The following KCNV2 variants were observed in gnomAD, a reference collection of about 807,000 sequenced individuals.
The protein encoded by KCNV2 is potassium voltage-gated channel subfamily V member 2.
KCNV2 carries 65 observed loss-of-function variants against 37.0 expected under a neutral mutation model. The ratio of observed to expected loss-of-function variants is 1.76; its 90% CI spans 1.44 to 2.16. The LOEUF (loss-of-function observed/expected upper bound fraction) is 2.16, where lower values mean the gene tolerates loss of function less well. Among genes scored for constraint, KCNV2 ranks in the 30% most tolerant of loss-of-function variants. KCNV2 has a pLI of 0.00. For synonymous variants in KCNV2, 518 were observed against 328.6 expected (o/e 1.58, Z -6.23); for missense variants, 1,232 against 766.7 (o/e 1.61, Z -7.17).
chr9:2,719,652 T>G (rs1159838603), intron 1 of KCNV2, among the ~76,000 whole-genome samples: 1 of 152,224 alleles, frequency 6.6e-6, no homozygotes, highest in African/African-American at 2.4e-5. Flanking sequence ...TTGCTCTGAC[T>G]TCACTAAAGT....
In KCNV2 at chr9:2,718,553, G is replaced by C; in HGVS notation, c.814G>C (p.Val272Leu). The change falls in exon 1 of 2, where the codon GTC becomes CTC. Residue 272 changes from valine to leucine, a missense_variant. Coordinates refer to ENST00000382082, the MANE Select transcript of KCNV2 (RefSeq NM_133497.4). ...IGVASSTFVL[V>L]SVVALALNTV... ...GGTGGCCTCCAGCACCTTCGTGCTC[G>C]TCTCCGTGGTGGCGCTGGCGCTCAA... 1 of 1,612,254 alleles carries C rather than the reference G, an allele frequency of 6.2e-7. No homozygotes were observed. The highest frequency in any genetic ancestry group is 1.7e-4 in the Middle Eastern group (1 of 6,046).
intron 1 of KCNV2, among the ~76,000 whole-genome samples, chr9:2,721,059 G>A (rs527626041): frequency 5.9e-5 from 9 of 152,060 alleles, no homozygotes. Flanking sequence ...TACAAAAATT[G>A]AATCACCAGT....
At chr9:2,727,922 C>G (rs1450734865) in intron 1 of KCNV2, among the ~76,000 whole-genome samples, 1 of 152,288 alleles carries the variant, frequency 6.6e-6, no homozygotes, top group East Asian at 1.9e-4. Context: ...CTTATCTACA[C>G]CACATTACCT....
intron 1 of KCNV2, among the ~76,000 whole-genome samples, chr9:2,725,251 A>C (rs1563799120): frequency 6.6e-6 from 1 of 152,366 alleles, no homozygotes. Flanking sequence ...CAAACATGTC[A>C]GAACTGTAAT....
At chr9:2,722,216 AGAAGTTATTTATTTATAAATAAAT>A (rs1351190201) in intron 1 of KCNV2, among the ~76,000 whole-genome samples, 7 of 144,760 alleles carry the variant, frequency 4.8e-5, no homozygotes, top group Non-Finnish European at 7.6e-5. Flanking sequence ...TAAATAAATT[AGAAGTTATTTATTTATAAATAAAT>A]TAGAAGTTAT....
At chr9:2,728,889 A>AAAAAAAAG (rs1177957510) in intron 1 of KCNV2, among the ~76,000 whole-genome samples, 1 of 150,530 alleles carries the variant, frequency 6.6e-6, no homozygotes, top group Non-Finnish European at 1.5e-5. Context: ...AATAAAAAAA[A>AAAAAAAAG]AAAAAAAGAA....
In KCNV2 at chr9:2,718,369, G is replaced by T. The variant is rs1470553971; in HGVS notation, c.630G>T (p.Leu210=). 6.3e-7 allele frequency: 1 copy of T among 1,599,508 alleles called. No individual in the cohort carries two copies. The highest frequency in any genetic ancestry group is 8.5e-7 in the Non-Finnish European group (1 of 1,174,708). The change falls in exon 1 of 2, where the codon CTG becomes CTT. Residue 210 remains leucine, a synonymous_variant. Transcript: ENST00000382082. ...GCTTCGAGGAGCGGCGCGACGAGCT[G>T]AGCGAACGGCTCAAGATCCAGCACG... ...RICFEERRDE[L]SERLKIQHEL... is the part of the protein sequence containing the mutation.
At position 2,722,296 on chromosome 9, in the gene KCNV2, T is replaced by TATAA. The variant is rs199999074; in HGVS notation, c.1356+3204_1356+3207dup. 5.5e-3 allele frequency among the ~76,000 whole-genome samples: 666 copies of TATAA among 122,042 alleles called. 34 individuals are homozygous for TATAA. Among genetic ancestry groups the TATAA allele is most frequent in the Non-Finnish European group, 8.3e-3 (514 of 61,608 alleles). The allele number at this position is 122,042 out of a possible 152,430, so 80.1% of individuals were successfully genotyped here. ...ATTTATTTACAAATTAGAAGTTATT[T>TATAA]ATAAATTAGAAGTTATTTATAAATA... is the stretch of plus-strand genomic sequence containing the variant. On this transcript the variant is annotated intron_variant, in intron 1 of 1. Coordinates refer to ENST00000382082, the MANE Select transcript of KCNV2 (RefSeq NM_133497.4).
Position 2,718,588 on chromosome 9 carries a change from G to T in KCNV2, c.849G>T (p.Glu283Asp), listed in dbSNP as rs17656693. 2 of 1,612,976 alleles carry T rather than the reference G, an allele frequency of 1.2e-6. No individual in the cohort carries two copies. The highest frequency in any genetic ancestry group is 1.3e-5 in the African/African-American group (1 of 75,066). ...SVVALALNTV[E>D]EMQQHSGQGE... is the part of the protein sequence containing the mutation. ...TGGCGCTGGCGCTCAACACCGTGGAGGAGATGCAGCAGCACTCGGGGCAGG... is the reference window on the plus strand; with the variant it reads ...TGGCGCTGGCGCTCAACACCGTGGATGAGATGCAGCAGCACTCGGGGCAGG... The change falls in exon 1 of 2, where the codon GAG (glutamate) becomes GAT (aspartate). Residue 283 changes from glutamate to aspartate, a missense_variant. Glu to Asp is a conservative substitution (Grantham distance 45). Transcript: ENST00000382082.
At chr9:2,727,030 G>A (rs112035017) in intron 1 of KCNV2, among the ~76,000 whole-genome samples, 19 of 152,182 alleles carry the variant, frequency 1.2e-4, no homozygotes, top group Admixed American at 9.8e-4. Flanking sequence ...AGAGGTTGGG[G>A]ACCGCTGTTC....
Position 2,718,880 on chromosome 9 carries a change from C to T in KCNV2, c.1141C>T (p.Leu381Phe), listed in dbSNP as rs148096197. The change falls in exon 1 of 2, where the codon CTC (leucine) becomes TTC (phenylalanine). Residue 381 changes from leucine to phenylalanine, a missense_variant. Physicochemically the swap from Leu to Phe is conservative, Grantham distance 22 (BLOSUM62 0). Transcript: ENST00000382082. ...KVGQVLRVMR[L>F]MRIFRILKLA... ...GGGTCAGGTGTTGCGCGTCATGCGC[C>T]TCATGCGCATCTTCCGCATCCTCAA... 4 of 1,608,918 alleles carry T rather than the reference C, an allele frequency of 2.5e-6. No homozygotes were observed. Among genetic ancestry groups the T allele is most frequent in the Admixed American group, 3.3e-5 (2 of 60,014 alleles).
intron 1 of KCNV2, among the ~76,000 whole-genome samples, chr9:2,721,478 T>C (rs758790140): frequency 1.3e-5 from 2 of 152,176 alleles, no homozygotes; most frequent in Admixed American, 1.3e-4. Context: ...ACACATTGAA[T>C]TGATGTGGAC....
chr9:2,718,237 G>T lies in KCNV2; in HGVS notation c.498G>T (p.Leu166=). The change falls in exon 1 of 2, where the codon CTG becomes CTT. Residue 166 remains leucine (L), a synonymous_variant. Transcript: ENST00000382082. The part of the protein sequence containing the change: ...AVFQLVYNFY[L]SGVLLVLDGL... ...TCCAGCTGGTCTACAATTTCTACCT[G>T]TCCGGGGTGCTGCTGGTGCTCGACG... The T allele has an allele frequency of 6.2e-7, 1 of 1,613,374 alleles. No homozygotes were observed. The highest frequency in any genetic ancestry group is 8.5e-7 in the Non-Finnish European group (1 of 1,179,930).
intron 1 of KCNV2, among the ~76,000 whole-genome samples, chr9:2,721,982 A>G (rs960878113): frequency 1.3e-5 from 2 of 151,106 alleles, no homozygotes; most frequent in Non-Finnish European, 3.0e-5. Flanking sequence ...TATTTTTAAA[A>G]ATTTGGGGCA....
At position 2,718,825 on chromosome 9, in the gene KCNV2, C is replaced by T. The variant is rs199886720; in HGVS notation, c.1086C>T (p.Arg362=). 5.6e-6 allele frequency: 9 copies of T among 1,609,934 alleles called. No homozygotes were observed. Among genetic ancestry groups the T allele is most frequent in the Admixed American group, 1.7e-5 (1 of 60,028 alleles). The change falls in exon 1 of 2, where the codon CGC becomes CGT. Residue 362 remains arginine (R), a synonymous_variant. Coordinates refer to ENST00000382082, the MANE Select transcript of KCNV2 (RefSeq NM_133497.4). The part of the protein sequence containing the change: ...LECFTGEGHQ[R]GQTVGSVGKV... ...GCTTCACGGGCGAGGGCCACCAACG[C>T]GGCCAGACGGTGGGCAGCGTGGGTA...
intron 1 of KCNV2, among the ~76,000 whole-genome samples, chr9:2,720,059 A>G (rs1256039696): frequency 1.3e-5 from 2 of 152,266 alleles, no homozygotes; most frequent in African/African-American, 4.8e-5. Context: ...TGGTTTCCTT[A>G]GTTTTCTTTT....
Position 2,729,494 on chromosome 9 carries a change from C to G in KCNV2, c.1405C>G (p.Leu469Val). ...GYGDMYPETH[L>V]GRFFAFLCIA... Reference sequence around the variant, plus strand: ...CGGAGACATGTACCCAGAGACCCACCTGGGCAGGTTTTTTGCCTTCCTCTG... The same window carrying G: ...CGGAGACATGTACCCAGAGACCCACGTGGGCAGGTTTTTTGCCTTCCTCTG... The change falls in exon 2 of 2, where the codon CTG becomes GTG. Residue 469 changes from leucine (L) to valine (V), a missense_variant. Physicochemically the swap from Leu to Val is conservative, Grantham distance 32. Coordinates refer to ENST00000382082, the MANE Select transcript of KCNV2 (RefSeq NM_133497.4). The G allele has an allele frequency of 2.5e-6, 4 of 1,614,110 alleles. No individual in the cohort carries two copies. The highest frequency in any genetic ancestry group is 2.5e-6 in the Non-Finnish European group (3 of 1,180,000).
chr9:2,723,490 G>A (rs1016205319), intron 1 of KCNV2, among the ~76,000 whole-genome samples: 1 of 152,170 alleles, frequency 6.6e-6, no homozygotes, highest in Admixed American at 6.5e-5. Context: ...GGACACTTAT[G>A]TCTACAAATG....
chr9:2,729,003 C>T (rs1025864890), intron 1 of KCNV2, among the ~76,000 whole-genome samples: 2 of 152,066 alleles, frequency 1.3e-5, no homozygotes, highest in Admixed American at 1.3e-4. Flanking sequence ...GTTCTAAGCC[C>T]AAGATTTTTC....
Sources: allele counts gnomAD v4.1 joint callset (sites outside exome capture counted in the v4.1 genomes callset), GRCh38; gene constraint gnomAD v4.1.1; transcripts MANE v1.5; gene names NCBI Gene and HGNC (gene_info 2026-07-23, HGNC 2026-07-21).